Variants in PTPRD observed in about 807,000 individuals in gnomAD.
The protein encoded by PTPRD is receptor-type tyrosine-protein phosphatase delta.
A neutral mutation model predicts 214.5 loss-of-function variants in PTPRD; 34 were observed. That is an observed-to-expected ratio of 0.16 (90% CI 0.12 to 0.21). The LOEUF (loss-of-function observed/expected upper bound fraction) is 0.21. Ranked by LOEUF, PTPRD falls within the 10% of genes least tolerant of loss-of-function variation. The probability of loss-of-function intolerance (pLI) is 1.00; values close to 1 mark genes in which losing one functional copy is unlikely to be tolerated. For missense variants in PTPRD, 2,545 were observed against 2,398.7 expected (o/e 1.06, Z -1.27); for synonymous variants, 1,128 against 845.7 (o/e 1.33, Z -5.79).
intron 2 of PTPRD, among the ~76,000 whole-genome samples, chr9:10,525,732 G>GTGTGTT (rs1326902942): frequency 1.3e-5 from 2 of 150,924 alleles, no homozygotes; most frequent in Non-Finnish European, 3.0e-5. Flanking sequence ...TTCAAAGTGT[G>GTGTGTT]TGTGTGTGTG....
At chr9:10,127,528 A>G (rs1425775047) in intron 3 of PTPRD, among the ~76,000 whole-genome samples, 1 of 152,162 alleles carries the variant, frequency 6.6e-6, no homozygotes, top group East Asian at 1.9e-4. Context: ...TCAAATCCCA[A>G]TGTATTAGTT....
intron 12 of PTPRD, among the ~76,000 whole-genome samples, chr9:8,715,433 C>T (rs1027634057): frequency 2.0e-5 from 3 of 152,082 alleles, no homozygotes; most frequent in African/African-American, 7.2e-5. Context: ...GATATGCTGG[C>T]GGGCAGTAGG....
chr9:10,431,924 T>A (rs540017802), intron 2 of PTPRD, among the ~76,000 whole-genome samples: 2 of 152,058 alleles, frequency 1.3e-5, no homozygotes, highest in African/African-American at 4.8e-5. Flanking sequence ...GACCCAGCCA[T>A]CCATTACTGG....
At chr9:9,025,553 G>T (rs2099584152) in intron 10 of PTPRD, among the ~76,000 whole-genome samples, 1 of 152,000 alleles carries the variant, frequency 6.6e-6, no homozygotes, top group Non-Finnish European at 1.5e-5. Flanking sequence ...TTCACTAGTG[G>T]TTAGTGAAGT....
chr9:10,308,806 T>C (rs749073565), intron 3 of PTPRD, among the ~76,000 whole-genome samples: 4 of 152,082 alleles, frequency 2.6e-5, no homozygotes, highest in Non-Finnish European at 5.9e-5. Context: ...ATTCTTTTTA[T>C]AGCTGCATTA....
chr9:10,473,700 T>C (rs758746982), intron 2 of PTPRD, among the ~76,000 whole-genome samples: 3 of 152,014 alleles, frequency 2.0e-5, no homozygotes, highest in Non-Finnish European at 4.4e-5. Context: ...CAGAAATAAA[T>C]AAATGAAAGT....
At chr9:9,499,725 TAAAAC>T (rs2096338174) in intron 8 of PTPRD, among the ~76,000 whole-genome samples, 1 of 151,984 alleles carries the variant, frequency 6.6e-6, no homozygotes, top group African/African-American at 2.4e-5. Flanking sequence ...AATGAATACT[TAAAAC>T]AAAACACAAG....
At chr9:9,108,211 T>C (rs2099801333) in intron 10 of PTPRD, among the ~76,000 whole-genome samples, 1 of 152,168 alleles carries the variant, frequency 6.6e-6, no homozygotes, top group African/African-American at 2.4e-5. Context: ...GAATTAAGTA[T>C]TCTCTCCCCA....
At chr9:10,464,169 G>A (rs934438053) in intron 2 of PTPRD, among the ~76,000 whole-genome samples, 9 of 152,132 alleles carry the variant, frequency 5.9e-5, no homozygotes, top group South Asian at 2.1e-4. Flanking sequence ...AAGCTGAGGC[G>A]GGTGGATAAC....
intron 2 of PTPRD, among the ~76,000 whole-genome samples, chr9:10,538,765 A>G (rs796150874): frequency 1.3e-5 from 2 of 152,262 alleles, no homozygotes; most frequent in African/African-American, 4.8e-5. Flanking sequence ...TTTTTCTTAA[A>G]ATGTGTAACA....
chr9:8,844,129 C>G (rs1427722701), intron 11 of PTPRD, among the ~76,000 whole-genome samples: 1 of 152,150 alleles, frequency 6.6e-6, no homozygotes, highest in Non-Finnish European at 1.5e-5. Flanking sequence ...GAGTTTTATG[C>G]TTAAAACATC....
intron 10 of PTPRD, among the ~76,000 whole-genome samples, chr9:9,132,731 G>T (rs941731630): frequency 6.6e-6 from 1 of 152,042 alleles, no homozygotes; most frequent in African/African-American, 2.4e-5. Flanking sequence ...TGAACTGTAG[G>T]CAATGTTGCA....
intron 12 of PTPRD, among the ~76,000 whole-genome samples, chr9:8,704,847 C>T (rs889755702): frequency 1.4e-4 from 21 of 151,770 alleles, no homozygotes; most frequent in African/African-American, 5.1e-4. Flanking sequence ...CATGTGAACC[C>T]GGGAGGTGGA....
At chr9:8,498,354 C>A (rs2097322635) in intron 25 of PTPRD, among the ~76,000 whole-genome samples, 1 of 152,162 alleles carries the variant, frequency 6.6e-6, no homozygotes, top group Non-Finnish European at 1.5e-5. Flanking sequence ...TGGCTCACTG[C>A]AAACTCCACC....
chr9:8,451,099 C>A (rs1266527320), intron 33 of PTPRD, among the ~76,000 whole-genome samples: 1 of 152,132 alleles, frequency 6.6e-6, no homozygotes, highest in Non-Finnish European at 1.5e-5. Context: ...GCCTTTCTTC[C>A]CATTTCTGCT....
chr9:10,360,201 G>C (rs1310750048), intron 2 of PTPRD, among the ~76,000 whole-genome samples: 1 of 152,180 alleles, frequency 6.6e-6, no homozygotes, highest in Non-Finnish European at 1.5e-5. Context: ...CTCTTGATTT[G>C]GACACTATCA....
At chr9:10,378,798 G>T (rs1158487641) in intron 2 of PTPRD, among the ~76,000 whole-genome samples, 1 of 151,962 alleles carries the variant, frequency 6.6e-6, no homozygotes, top group Non-Finnish European at 1.5e-5. Context: ...TGGCTATTCT[G>T]TGTCTTTTGT....
chr9:9,379,183 A>T (rs2061527643), intron 9 of PTPRD, among the ~76,000 whole-genome samples: 1 of 145,546 alleles, frequency 6.9e-6, no homozygotes, highest in African/African-American at 2.6e-5. Flanking sequence ...TGAAGGGCAT[A>T]GGTCTATGTT....
chr9:9,328,228 A>AG (rs2040808368), intron 9 of PTPRD, among the ~76,000 whole-genome samples: 1 of 152,166 alleles, frequency 6.6e-6, no homozygotes, highest in African/African-American at 2.4e-5. Flanking sequence ...AATAGTAAAC[A>AG]GGGAGAATGG....
Sources: allele counts gnomAD v4.1 joint callset (sites outside exome capture counted in the v4.1 genomes callset), GRCh38; gene constraint gnomAD v4.1.1; transcripts MANE v1.5; gene names NCBI Gene and HGNC (gene_info 2026-07-23, HGNC 2026-07-21).